Variants in TMC1 observed in about 807,000 individuals in gnomAD.
TMC1 encodes transmembrane channel-like protein 1.
Under a neutral mutation model 105.8 loss-of-function variants are expected in TMC1, and 84 were observed. The ratio of observed to expected loss-of-function variants is 0.79; its 90% CI spans 0.67 to 0.95. TMC1 has a LOEUF of 0.95. Among genes scored for constraint, TMC1 ranks in the 40% least tolerant of loss-of-function variants. The pLI is 0.00. For synonymous variants in TMC1, 315 were observed against 311.5 expected (o/e 1.01, Z -0.12); for missense variants, 817 against 914.1 (o/e 0.89, Z 1.37).
chr9:72,666,690 C>A (rs1826047934), intron 5 of TMC1, among the ~76,000 whole-genome samples: 1 of 152,176 alleles, frequency 6.6e-6, no homozygotes, highest in Non-Finnish European at 1.5e-5. Context: ...AAGCCCCTGC[C>A]TTCCCAGAAG....
chr9:72,529,096 C>T (rs1232075383), intron 1 of TMC1, among the ~76,000 whole-genome samples: 1 of 149,542 alleles, frequency 6.7e-6, no homozygotes, highest in African/African-American at 2.5e-5. Flanking sequence ...AAATACTACA[C>T]CATTTTTTTT....
chr9:72,822,965 C>T (rs1220773705), intron 20 of TMC1, among the ~76,000 whole-genome samples: 1 of 152,134 alleles, frequency 6.6e-6, no homozygotes, highest in Non-Finnish European at 1.5e-5. Context: ...CAAACTTAGG[C>T]AAAATTATGG....
Position 72,830,013 on chromosome 9 carries a change from C to T in TMC1, c.2130-438C>T, listed in dbSNP as rs370243865. ...ATTCTTAGCTGCAAAGGCCAAAGGA[C>T]GAAATTTAAGGCAGAAAGTCGTTTT... On this transcript the variant is annotated intron_variant, in intron 21 of 23. Transcript: ENST00000297784. Among the ~76,000 whole-genome samples, 14 of 152,286 alleles carry T rather than the reference C, an allele frequency of 9.2e-5. No individual in the cohort carries two copies. The East Asian group carries it at 1.9e-3, about 21-fold the overall frequency.
At chr9:72,582,759 T>C (rs1317624425) in intron 2 of TMC1, among the ~76,000 whole-genome samples, 1 of 152,230 alleles carries the variant, frequency 6.6e-6, no homozygotes, top group Non-Finnish European at 1.5e-5. Context: ...TTTCATTTAT[T>C]TCTGTTTTAT....
intron 13 of TMC1, among the ~76,000 whole-genome samples, chr9:72,781,484 A>C (rs1464655638): frequency 6.6e-6 from 1 of 152,138 alleles, no homozygotes; most frequent in Non-Finnish European, 1.5e-5. Flanking sequence ...AACTGAATGA[A>C]ATTGAGACAC....
intron 3 of TMC1, among the ~76,000 whole-genome samples, chr9:72,627,132 C>T (rs1306071498): frequency 3.4e-4 from 52 of 151,802 alleles, no homozygotes. Flanking sequence ...AAATAGTACC[C>T]AGTGTTCAGT....
chr9:72,665,994 C>T (rs953936965), intron 5 of TMC1, among the ~76,000 whole-genome samples: 5 of 152,206 alleles, frequency 3.3e-5, no homozygotes, highest in African/African-American at 1.2e-4. Flanking sequence ...GTTGCATCTT[C>T]TCTGAATGGA....
At chr9:72,566,844 A>C (rs1824164887) in intron 1 of TMC1, among the ~76,000 whole-genome samples, 1 of 152,196 alleles carries the variant, frequency 6.6e-6, no homozygotes, top group Non-Finnish European at 1.5e-5. Flanking sequence ...TTATGGTCAC[A>C]GACTCCTATC....
At chr9:72,780,309 C>T (rs568250739) in intron 13 of TMC1, among the ~76,000 whole-genome samples, 29 of 152,182 alleles carry the variant, frequency 1.9e-4, no homozygotes, top group Non-Finnish European at 2.9e-4. Flanking sequence ...CAAAAACACA[C>T]ATAAGTACAT....
chr9:72,753,354 G>A (rs1350817549), intron 11 of TMC1, among the ~76,000 whole-genome samples: 1 of 133,978 alleles, frequency 7.5e-6, no homozygotes, highest in East Asian at 2.2e-4. Flanking sequence ...TCCATCACTG[G>A]CTACTATGAC....
At chr9:72,685,886 C>G (rs1456061805) in intron 5 of TMC1, among the ~76,000 whole-genome samples, 1 of 152,036 alleles carries the variant, frequency 6.6e-6, no homozygotes, top group African/African-American at 2.4e-5. Context: ...AAGGCAATAC[C>G]ATTCAACTCT....
intron 11 of TMC1, among the ~76,000 whole-genome samples, chr9:72,754,213 CG>C (rs2118065062): frequency 6.6e-6 from 1 of 152,200 alleles, no homozygotes; most frequent in East Asian, 1.9e-4. Context: ...TTCTCCCTAC[CG>C]TTTTTCTCTT....
intron 3 of TMC1, among the ~76,000 whole-genome samples, chr9:72,620,674 T>C (rs1825232973): frequency 6.6e-6 from 1 of 152,156 alleles, no homozygotes; most frequent in Non-Finnish European, 1.5e-5. Context: ...ATGGGGTGAT[T>C]AATAAGTGAC....
intron 17 of TMC1, among the ~76,000 whole-genome samples, chr9:72,803,793 A>G (rs1828521162): frequency 6.6e-6 from 1 of 152,230 alleles, no homozygotes; most frequent in African/African-American, 2.4e-5. Flanking sequence ...GGGAATGTAA[A>G]TTAATTCAAA....
At chr9:72,783,380 C>A (rs1194977224) in intron 13 of TMC1, among the ~76,000 whole-genome samples, 1 of 152,132 alleles carries the variant, frequency 6.6e-6, no homozygotes, top group Non-Finnish European at 1.5e-5. Flanking sequence ...AGTCCAGATG[C>A]TGAAGAACCT....
At chr9:72,804,958 C>T (rs913121739) in intron 17 of TMC1, among the ~76,000 whole-genome samples, 2 of 152,166 alleles carry the variant, frequency 1.3e-5, no homozygotes, top group Non-Finnish European at 2.9e-5. Flanking sequence ...GATTGCCAAT[C>T]TATATTCATA....
chr9:72,824,803 C>T (rs1004693482), intron 20 of TMC1, among the ~76,000 whole-genome samples: 1 of 152,158 alleles, frequency 6.6e-6, no homozygotes, highest in African/African-American at 2.4e-5. Flanking sequence ...GAAAGTGCGC[C>T]AAACAGGAAG....
At chr9:72,678,183 G>T (rs948936966) in intron 5 of TMC1, among the ~76,000 whole-genome samples, 1 of 152,054 alleles carries the variant, frequency 6.6e-6, no homozygotes, top group Admixed American at 6.6e-5. Context: ...TCTTGGTTAT[G>T]CCACTTATTG....
At chr9:72,732,565 C>T (rs1022983044) in intron 8 of TMC1, among the ~76,000 whole-genome samples, 1 of 88,052 alleles carries the variant, frequency 1.1e-5, no homozygotes, top group Non-Finnish European at 2.3e-5. Context: ...GTCTCTGTCT[C>T]AAAAAAAAAA....
Sources: gnomAD v4.1 joint callset for allele counts (sites outside exome capture counted in the v4.1 genomes callset) on GRCh38, gnomAD v4.1.1 for gene constraint, MANE v1.5 for transcripts, NCBI Gene and HGNC (gene_info 2026-07-23, HGNC 2026-07-21) for gene names.